ADRA1D: variants seen among roughly 807,000 people sequenced by gnomAD.
ADRA1D encodes adrenoceptor alpha 1D.
A neutral mutation model predicts 18.6 loss-of-function variants in ADRA1D; 22 were observed. That is an observed-to-expected ratio of 1.19 (90% confidence interval 0.85 to 1.69). The LOEUF (loss-of-function observed/expected upper bound fraction) is 1.69, where lower values mean the gene tolerates loss of function less well. Among genes scored for constraint, ADRA1D ranks in the 40% most tolerant of loss-of-function variants. ADRA1D has a pLI of 0.00. For synonymous variants in ADRA1D, 376 were observed against 388.2 expected, an observed-to-expected ratio of 0.97 and a Z score of 0.37; for missense variants, 840 against 840.7, an observed-to-expected ratio of 1.00 and a Z score of 0.01.
At position 4,232,172 on chromosome 20, in the gene ADRA1D, C is replaced by T. The variant is rs532777592; in HGVS notation, c.1112-10042G>A. Among the ~76,000 whole-genome samples, 395 of 152,306 alleles carry T rather than the reference C, an allele frequency of 2.6e-3. 1 individual carries two copies. Among genetic ancestry groups the T allele is most frequent in the African/African-American group, 8.9e-3 (371 of 41,572 alleles). On this transcript the variant is annotated intron_variant, in intron 1 of 1. Coordinates refer to ENST00000379453, the MANE Select transcript of ADRA1D (RefSeq NM_000678.4). ...CAGGTGATCCACCCGCCTCGGCTTC[C>T]TAAAATGCTGGGATTACAGGCATTC...
chr20:4,243,045 G>T (rs552315317), intron 1 of ADRA1D, among the ~76,000 whole-genome samples: 4 of 152,272 alleles, frequency 2.6e-5, no homozygotes, highest in Non-Finnish European at 4.4e-5. Context: ...CTCTGCAGTT[G>T]GGTGCTTGCC....
chr20:4,231,398 A>C (rs1980968074), intron 1 of ADRA1D, among the ~76,000 whole-genome samples: 1 of 151,614 alleles, frequency 6.6e-6, no homozygotes, highest in Non-Finnish European at 1.5e-5. Flanking sequence ...GGATTCCAGG[A>C]GTAAGATACC....
chr20:4,232,183 G>T (rs1047899047), intron 1 of ADRA1D, among the ~76,000 whole-genome samples: 3 of 152,190 alleles, frequency 2.0e-5, no homozygotes, highest in Admixed American at 1.3e-4. Context: ...TAAAATGCTG[G>T]GATTACAGGC....
intron 1 of ADRA1D, among the ~76,000 whole-genome samples, chr20:4,230,880 C>T (rs1980937352): frequency 6.6e-6 from 1 of 152,160 alleles, no homozygotes; most frequent in African/African-American, 2.4e-5. Context: ...TCAGGTGTCT[C>T]CCCACCCAGC....
Position 4,248,338 on chromosome 20 carries a change from A to G in ADRA1D, c.620T>C (p.Ile207Thr), listed in dbSNP as rs1043144403. 1.2e-6 allele frequency: 2 copies of G among 1,605,876 alleles called. No homozygotes were observed. The highest frequency in any genetic ancestry group is 1.7e-6 in the Non-Finnish European group (2 of 1,176,542). ...GVRHSLKYPA[I>T]MTERKAAAIL... ...GGCGGCCGCCTTGCGCTCGGTCATG[A>G]TGGCTGGGTACTTGAGTGAGTGGCG... The change falls in exon 1 of 2, where the codon ATC (isoleucine) becomes ACC (threonine). Residue 207 changes from isoleucine (I) to threonine (T), a missense_variant. Coordinates refer to ENST00000379453, the MANE Select transcript of ADRA1D (RefSeq NM_000678.4).
In ADRA1D at chr20:4,221,400, A is replaced by C; in HGVS notation, c.*123T>G. 1 of 1,088,334 alleles carries C rather than the reference A, an allele frequency of 9.2e-7. No individual in the cohort carries two copies. The highest frequency in any genetic ancestry group is 1.3e-6 in the Non-Finnish European group (1 of 760,084). 67.4% of individuals were successfully genotyped at this position (1,088,334 alleles called of 1,614,324 possible). On this transcript the variant is annotated 3_prime_UTR_variant, in exon 2 of 2. Coordinates refer to ENST00000379453, the MANE Select transcript of ADRA1D (RefSeq NM_000678.4). ...GCCCAGTTCCTCAGGGATGTCACAG[A>C]GCAGCTGCCCTGATCAGTTTCCGGG...
Position 4,227,704 on chromosome 20 carries a change from CTCCTTCCTTCCTTCCT to C in ADRA1D, c.1112-5590_1112-5575del, listed in dbSNP as rs1555820745. Among the ~76,000 whole-genome samples, 210 of 92,606 alleles carry C rather than the reference CTCCTTCCTTCCTTCCT, an allele frequency of 2.3e-3. 2 individuals are homozygous for C. Among genetic ancestry groups the C allele is most frequent in the Middle Eastern group, 9.8e-3 (2 of 204 alleles). The allele number at this position is 92,606 out of a possible 152,430, so 60.8% of individuals were successfully genotyped here. On this transcript the variant is annotated intron_variant, in intron 1 of 1. Coordinates refer to ENST00000379453, the MANE Select transcript of ADRA1D (RefSeq NM_000678.4). ...CTTCCCTCTCTCCCTCCCTCCCTCCCTCCTTCCTTCCTTCCTTCCTTCCTTCCTTCCTTCCTTCCTT... is the reference window on the plus strand; with the variant it reads ...CTTCCCTCTCTCCCTCCCTCCCTCCCTCCTTCCTTCCTTCCTTCCTTCCTT...
intron 1 of ADRA1D, among the ~76,000 whole-genome samples, chr20:4,243,699 C>T: frequency 6.6e-6 from 1 of 151,970 alleles, no homozygotes; most frequent in East Asian, 1.9e-4. Context: ...CGGTGAGGGG[C>T]GTTCTACACG....
chr20:4,238,384 G>T (rs1312089996), intron 1 of ADRA1D, among the ~76,000 whole-genome samples: 1 of 152,226 alleles, frequency 6.6e-6, no homozygotes, highest in African/African-American at 2.4e-5. Context: ...GCTAAGTGGG[G>T]GAAGGCTGAG....
At position 4,221,404 on chromosome 20, in the gene ADRA1D, G is replaced by A; in HGVS notation, c.*119C>T. 8.9e-7 allele frequency: 1 copy of A among 1,127,022 alleles called. No homozygotes were observed. Among genetic ancestry groups the A allele is most frequent in the Non-Finnish European group, 1.3e-6 (1 of 790,320 alleles). 69.8% of individuals were successfully genotyped at this position (1,127,022 alleles called of 1,614,324 possible). A position where few individuals can be genotyped will look rare whatever the true frequency, so the allele number is the denominator to read the frequency against. On this transcript the variant is annotated 3_prime_UTR_variant, in exon 2 of 2. Transcript: ENST00000379453. Reference sequence around the variant, plus strand: ...AGTTCCTCAGGGATGTCACAGAGCAGCTGCCCTGATCAGTTTCCGGGTCTC... The same window carrying A: ...AGTTCCTCAGGGATGTCACAGAGCAACTGCCCTGATCAGTTTCCGGGTCTC...
chr20:4,234,027 T>G (rs571850950), intron 1 of ADRA1D, among the ~76,000 whole-genome samples: 2 of 152,338 alleles, frequency 1.3e-5, no homozygotes, highest in South Asian at 2.1e-4. Flanking sequence ...GGACTGGGCA[T>G]CCTCTGGTCA....
In ADRA1D at chr20:4,248,009, C is replaced by G. The variant is rs372384982; in HGVS notation, c.949G>C (p.Gly317Arg). ...HCRGAATGAD[G>R]AHGMRSAKGH... ...TTGGCGCTGCGCATGCCGTGCGCCC[C>G]GTCGGCGCCCGTGGCCGCGCCGCGA... The change falls in exon 1 of 2, where the codon GGG becomes CGG. Residue 317 changes from glycine to arginine, a missense_variant. Coordinates refer to ENST00000379453, the MANE Select transcript of ADRA1D (RefSeq NM_000678.4). 7.7e-6 allele frequency: 12 copies of G among 1,557,446 alleles called. No individual in the cohort carries two copies. In the Admixed American group the frequency reaches 2.0e-4, roughly 25 times the overall value.
chr20:4,233,750 C>G (rs761924610), intron 1 of ADRA1D, among the ~76,000 whole-genome samples: 2 of 152,072 alleles, frequency 1.3e-5, no homozygotes. Context: ...TGAGTGTGCA[C>G]GTTTGTGTTC....
At chr20:4,240,623 G>A (rs1487195664) in intron 1 of ADRA1D, among the ~76,000 whole-genome samples, 2 of 151,998 alleles carry the variant, frequency 1.3e-5, no homozygotes, top group Non-Finnish European at 2.9e-5. Flanking sequence ...GTGAAACCCC[G>A]TCTCTACTAA....
chr20:4,221,410 C>T lies in ADRA1D; in HGVS notation c.*113G>A, dbSNP rs1280102062. 1.7e-6 allele frequency: 2 copies of T among 1,184,582 alleles called. No homozygotes were observed. The highest frequency in any genetic ancestry group is 1.5e-5 in the African/African-American group (1 of 64,882). 73.4% of individuals were successfully genotyped at this position (1,184,582 alleles called of 1,614,324 possible). ...TCAGGGATGTCACAGAGCAGCTGCCCTGATCAGTTTCCGGGTCTCCGATTT... is the reference window on the plus strand; with the variant it reads ...TCAGGGATGTCACAGAGCAGCTGCCTTGATCAGTTTCCGGGTCTCCGATTT... On this transcript the variant is annotated 3_prime_UTR_variant, in exon 2 of 2. Coordinates refer to ENST00000379453, the MANE Select transcript of ADRA1D (RefSeq NM_000678.4).
rs764330356 is a variant in ADRA1D at position 4,248,487 on chromosome 20, C to T, written c.471G>A (p.Glu157=). 12 of 1,613,516 alleles carry T rather than the reference C, an allele frequency of 7.4e-6. No homozygotes were observed. The African/African-American group carries it at 9.3e-5, about 13-fold the overall frequency. ...GGCCAAAGGCCCAGAAGCCCAGAAC[C>T]TCCATGGTGGCCGAGAAGGGCAGTA... ...ATVLPFSATM[E]VLGFWAFGRA... is the part of the protein sequence containing the mutation. Residue 157 remains glutamate, a synonymous_variant, in exon 1 of 2, where the codon GAG becomes GAA. Transcript: ENST00000379453.
intron 1 of ADRA1D, among the ~76,000 whole-genome samples, chr20:4,231,914 T>C (rs1980978986): frequency 1.3e-5 from 2 of 152,146 alleles, no homozygotes; most frequent in Non-Finnish European, 1.5e-5. Context: ...GTTTTCTTTT[T>C]CTTTTTTCTT....
intron 1 of ADRA1D, among the ~76,000 whole-genome samples, chr20:4,228,990 G>C (rs974565202): frequency 6.6e-6 from 1 of 152,122 alleles, no homozygotes; most frequent in Non-Finnish European, 1.5e-5. Flanking sequence ...CCCTCAACCT[G>C]TAGACACTGC....
intron 1 of ADRA1D, among the ~76,000 whole-genome samples, chr20:4,237,836 G>GTATGTATTTATT (rs1555821623): frequency 1.3e-4 from 19 of 144,596 alleles, no homozygotes; most frequent in African/African-American, 4.8e-4. Flanking sequence ...GCTAATTTTT[G>GTATGTATTTATT]TATTTATTTA....
Sources: allele counts gnomAD v4.1 joint callset (sites outside exome capture counted in the v4.1 genomes callset), GRCh38; gene constraint gnomAD v4.1.1; transcripts MANE v1.5; gene names NCBI Gene and HGNC (gene_info 2026-07-23, HGNC 2026-07-21).